The following B3GALT1 variants were observed in gnomAD, a reference collection of about 807,000 sequenced individuals.
B3GALT1 encodes the protein beta-1,3-galactosyltransferase 1.
Under a neutral mutation model 23.2 loss-of-function variants are expected in B3GALT1, and 10 were observed. The observed-to-expected ratio is 0.43, with a 90% CI of 0.27 to 0.73. The LOEUF is 0.73. Ranked by LOEUF, B3GALT1 falls within the 30% of genes least tolerant of loss-of-function variation. The pLI, the probability that B3GALT1 is intolerant of heterozygous loss-of-function variation, is 0.21. For synonymous variants in B3GALT1, 156 were observed against 141.5 expected, an observed-to-expected ratio of 1.10 and a Z score of -0.73; for missense variants, 299 against 405.4, an observed-to-expected ratio of 0.74 and a Z score of 2.25.
rs1699268494 is a variant in B3GALT1 at position 167,462,198 on chromosome 2, T to A, written c.-510-27979T>A. On this transcript the variant is annotated intron_variant, in intron 1 of 4. Coordinates refer to ENST00000392690, the MANE Select transcript of B3GALT1 (RefSeq NM_020981.4). ...TATGTTTGAGTGTTTATTACTTTTA[T>A]TTTAATATAATTAATTTAGAATTAT... 3.3e-5 allele frequency among the ~76,000 whole-genome samples: 5 copies of A among 152,294 alleles called. No individual in the cohort carries two copies. In the South Asian group the frequency reaches 1.0e-3, roughly 32 times the overall value.
At chr2:167,388,939 G>T (rs765201449) in intron 1 of B3GALT1, among the ~76,000 whole-genome samples, 6 of 152,192 alleles carry the variant, frequency 3.9e-5, no homozygotes, top group Non-Finnish European at 7.3e-5. Context: ...GGACATGGAG[G>T]TCTTAACCCC....
chr2:167,642,976 A>C (rs1297734496), intron 2 of B3GALT1, among the ~76,000 whole-genome samples: 1 of 152,200 alleles, frequency 6.6e-6, no homozygotes, highest in Non-Finnish European at 1.5e-5. Flanking sequence ...TATTTCAACA[A>C]AAAAACTAAG....
At chr2:167,443,104 T>C (rs1698920994) in intron 1 of B3GALT1, among the ~76,000 whole-genome samples, 1 of 152,034 alleles carries the variant, frequency 6.6e-6, no homozygotes, top group East Asian at 1.9e-4. Flanking sequence ...GCTAGCCAGT[T>C]TTCCCAGCAC....
intron 2 of B3GALT1, among the ~76,000 whole-genome samples, chr2:167,633,745 G>A (rs1040452998): frequency 3.9e-5 from 6 of 152,012 alleles, no homozygotes; most frequent in African/African-American, 9.7e-5. Context: ...CAATAATAGT[G>A]GGAGACTTTA....
chr2:167,514,813 A>G (rs1470327884), intron 2 of B3GALT1, among the ~76,000 whole-genome samples: 1 of 152,204 alleles, frequency 6.6e-6, no homozygotes. Flanking sequence ...AATAATAATT[A>G]GGTTGTTATG....
At chr2:167,703,914 G>A (rs1574222214) in intron 3 of B3GALT1, among the ~76,000 whole-genome samples, 2 of 152,196 alleles carry the variant, frequency 1.3e-5, no homozygotes, top group South Asian at 4.2e-4. Flanking sequence ...CGGCGCGGTG[G>A]CTCACACCTG....
chr2:167,634,540 T>G (rs1358293330), intron 2 of B3GALT1, among the ~76,000 whole-genome samples: 6 of 151,994 alleles, frequency 3.9e-5, no homozygotes, highest in Non-Finnish European at 8.8e-5. Flanking sequence ...CCCACAGAAA[T>G]ACAAACTACT....
At chr2:167,567,508 A>G (rs1684194068) in intron 2 of B3GALT1, among the ~76,000 whole-genome samples, 1 of 152,182 alleles carries the variant, frequency 6.6e-6, no homozygotes. Context: ...TTTTGAAAAA[A>G]TATCTACTGT....
At chr2:167,482,804 C>T (rs1249987289) in intron 1 of B3GALT1, among the ~76,000 whole-genome samples, 2 of 152,020 alleles carry the variant, frequency 1.3e-5, no homozygotes, top group African/African-American at 4.8e-5. Flanking sequence ...GGCGCCACTG[C>T]ACTCCAGCCT....
intron 3 of B3GALT1, among the ~76,000 whole-genome samples, chr2:167,691,093 G>A (rs1271143360): frequency 6.6e-6 from 1 of 152,054 alleles, no homozygotes; most frequent in Non-Finnish European, 1.5e-5. Flanking sequence ...TAAATTCAAT[G>A]ATAAGTAATT....
intron 2 of B3GALT1, among the ~76,000 whole-genome samples, chr2:167,493,191 A>C (rs1196985749): frequency 6.6e-6 from 1 of 152,154 alleles, no homozygotes; most frequent in African/African-American, 2.4e-5. Context: ...ATTCTTCATG[A>C]GCCTTTCACA....
At chr2:167,561,249 T>C (rs980520623) in intron 2 of B3GALT1, among the ~76,000 whole-genome samples, 1 of 152,102 alleles carries the variant, frequency 6.6e-6, no homozygotes, top group Non-Finnish European at 1.5e-5. Flanking sequence ...ATGTTCTTTA[T>C]GTACCAACAA....
rs1285786645 is a variant in B3GALT1, at chr2:167,699,378, C to CTTTTTTTTTTTT, written c.-352+52413_-352+52414insTTTTTTTTTTTT. On this transcript the variant is annotated intron_variant, in intron 3 of 4. Coordinates refer to ENST00000392690, the MANE Select transcript of B3GALT1 (RefSeq NM_020981.4). ...TTGGGGGAGTTTTTTGCCATTATTT[C>CTTTTTTTTTTTT]TATTTTTTTTTTTTTTTTTTTTTTT... Among the ~76,000 whole-genome samples, 240 of 78,610 alleles carry CTTTTTTTTTTTT rather than the reference C, an allele frequency of 3.1e-3. 1 individual carries two copies. Among genetic ancestry groups the CTTTTTTTTTTTT allele is most frequent in the East Asian group, 7.1e-3 (17 of 2,382 alleles). The allele number at this position is 78,610 out of a possible 152,430, so 51.6% of individuals were successfully genotyped here. A position where few individuals can be genotyped will look rare whatever the true frequency, so the allele number is the denominator to read the frequency against.
At chr2:167,407,274 T>C (rs1044301550) in intron 1 of B3GALT1, among the ~76,000 whole-genome samples, 1 of 151,884 alleles carries the variant, frequency 6.6e-6, no homozygotes, top group African/African-American at 2.4e-5. Flanking sequence ...AGAAGGAAAT[T>C]AAAAAATTAT....
At chr2:167,331,073 C>G (rs1207090938) in intron 1 of B3GALT1, among the ~76,000 whole-genome samples, 2 of 151,936 alleles carry the variant, frequency 1.3e-5, no homozygotes, top group African/African-American at 2.4e-5. Context: ...TACAGTAGTA[C>G]AGTCTGGTGT....
intron 4 of B3GALT1, among the ~76,000 whole-genome samples, chr2:167,834,492 G>T (rs1689417603): frequency 6.6e-6 from 1 of 152,194 alleles, no homozygotes; most frequent in South Asian, 2.1e-4. Flanking sequence ...TCCTAATAGA[G>T]ACTTCAGTTC....
intron 2 of B3GALT1, among the ~76,000 whole-genome samples, chr2:167,512,198 T>A (rs1700014955): frequency 1.3e-5 from 2 of 152,060 alleles, no homozygotes; most frequent in Admixed American, 6.6e-5. Flanking sequence ...CTGAAAAAAA[T>A]TCAGTATTCC....
At chr2:167,710,718 A>G (rs1291927888) in intron 3 of B3GALT1, among the ~76,000 whole-genome samples, 1 of 152,114 alleles carries the variant, frequency 6.6e-6, no homozygotes, top group Non-Finnish European at 1.5e-5. Flanking sequence ...CTGAGTTTTT[A>G]AGTCTATTTA....
intron 2 of B3GALT1, among the ~76,000 whole-genome samples, chr2:167,578,954 C>T (rs908910753): frequency 1.3e-5 from 2 of 152,062 alleles, no homozygotes; most frequent in East Asian, 3.9e-4. Flanking sequence ...TAGTGGGAAG[C>T]ATTTCCTTTC....
Sources: allele counts gnomAD v4.1 joint callset (sites outside exome capture counted in the v4.1 genomes callset), GRCh38; gene constraint gnomAD v4.1.1; transcripts MANE v1.5; gene names NCBI Gene and HGNC (gene_info 2026-07-23, HGNC 2026-07-21).